The following SH3RF3 variants were observed in gnomAD, a reference collection of about 807,000 sequenced individuals.
The protein encoded by SH3RF3 is SH3 domain containing ring finger 3.
A neutral mutation model predicts 66.3 loss-of-function variants in SH3RF3; 29 were observed. That is an observed-to-expected ratio of 0.44 (90% CI 0.33 to 0.60). The LOEUF (loss-of-function observed/expected upper bound fraction) is 0.60, where lower values mean the gene tolerates loss of function less well. SH3RF3 is among the 20% of genes least tolerant of loss of function. The pLI is 0.04. For synonymous variants in SH3RF3, 583 were observed against 532.0 expected, an observed-to-expected ratio of 1.10 and a Z score of -1.32; for missense variants, 1,194 against 1,190.9, an observed-to-expected ratio of 1.00 and a Z score of -0.04.
chr2:109,201,724 G>A (rs544859960), intron 1 of SH3RF3, among the ~76,000 whole-genome samples: 147 of 152,326 alleles, frequency 9.7e-4, no homozygotes, highest in African/African-American at 3.0e-3. Flanking sequence ...GGAGAGCCAC[G>A]TACAGCCCAG....
intron 1 of SH3RF3, among the ~76,000 whole-genome samples, chr2:109,311,531 G>T (rs11887410): frequency 0.26 from 39,853 of 151,108 alleles, 6,113 homozygotes; most frequent in East Asian, 0.69. Flanking sequence ...GGTATTCAAT[G>T]AGGAAAAGAG....
intron 1 of SH3RF3, among the ~76,000 whole-genome samples, chr2:109,331,968 GCTGTGACTGT>G (rs1682297116): frequency 6.6e-6 from 1 of 152,200 alleles, no homozygotes; most frequent in African/African-American, 2.4e-5. Flanking sequence ...TCTTCCTGGT[GCTGTGACTGT>G]CTGTGACTAG....
rs79070607 is a variant in SH3RF3, at chr2:109,251,594, G to A, written c.574-96080G>A. The stretch of plus-strand genomic sequence containing the variant: ...ACTGGTGGGCAACAGAACAATATTG[G>A]AATGGTGGTAATAGGAAATAGTATC... On this transcript the variant is annotated intron_variant, in intron 1 of 9. Coordinates refer to ENST00000309415, the MANE Select transcript of SH3RF3 (RefSeq NM_001099289.3). The A allele has an allele frequency of 1.2e-4, 116 of 995,170 alleles. No homozygotes were observed. The East Asian group carries it at 2.7e-3, about 23-fold the overall frequency. 61.6% of individuals were successfully genotyped at this position (995,170 alleles called of 1,614,324 possible).
At chr2:109,215,934 G>C (rs367718202) in intron 1 of SH3RF3, among the ~76,000 whole-genome samples, 1 of 152,212 alleles carries the variant, frequency 6.6e-6, no homozygotes, top group Non-Finnish European at 1.5e-5. Context: ...GGCTTCTACC[G>C]TGCCAGCGGC....
At chr2:109,402,770 G>A (rs563914889) in intron 4 of SH3RF3, among the ~76,000 whole-genome samples, 1 of 152,350 alleles carries the variant, frequency 6.6e-6, no homozygotes, top group East Asian at 1.9e-4. Context: ...GCCATGGGGG[G>A]CAGAGGATTA....
At chr2:109,437,705 A>T (rs1265425865) in intron 7 of SH3RF3, among the ~76,000 whole-genome samples, 1 of 151,040 alleles carries the variant, frequency 6.6e-6, no homozygotes, top group Non-Finnish European at 1.5e-5. Context: ...CTTCGCCTTC[A>T]TGGCAGCTGG....
chr2:109,177,052 G>A (rs1292513909), intron 1 of SH3RF3, among the ~76,000 whole-genome samples: 2 of 152,162 alleles, frequency 1.3e-5, no homozygotes, highest in Non-Finnish European at 2.9e-5. Flanking sequence ...TGACCTGGTG[G>A]AAGTTACATT....
At chr2:109,336,614 T>A (rs867885478) in intron 1 of SH3RF3, among the ~76,000 whole-genome samples, 6 of 152,334 alleles carry the variant, frequency 3.9e-5, no homozygotes, top group Middle Eastern at 3.4e-3. Context: ...AGGCAAATGC[T>A]CTTTGCAGCA....
chr2:109,387,177 G>A (rs1675844308), intron 3 of SH3RF3, among the ~76,000 whole-genome samples: 2 of 152,114 alleles, frequency 1.3e-5, no homozygotes, highest in Admixed American at 1.3e-4. Context: ...GGACAAATTT[G>A]AGATTGCGCT....
chr2:109,174,866 C>A (rs1181774073), intron 1 of SH3RF3, among the ~76,000 whole-genome samples: 1 of 152,186 alleles, frequency 6.6e-6, no homozygotes. Flanking sequence ...TTTCTTTCTG[C>A]CCCTCTGTCA....
chr2:109,159,677 G>T (rs1179043355), intron 1 of SH3RF3, among the ~76,000 whole-genome samples: 2 of 152,186 alleles, frequency 1.3e-5, no homozygotes, highest in African/African-American at 2.4e-5. Flanking sequence ...AGCGAGCAAA[G>T]CTATAGCTGT....
chr2:109,498,329 A>AT (rs1234661794), intron 9 of SH3RF3, among the ~76,000 whole-genome samples: 1 of 152,032 alleles, frequency 6.6e-6, no homozygotes, highest in African/African-American at 2.4e-5. Flanking sequence ...GGAACACTGC[A>AT]CCCCCAAGTC....
chr2:109,205,583 A>G (rs1186431747), intron 1 of SH3RF3, among the ~76,000 whole-genome samples: 3 of 152,162 alleles, frequency 2.0e-5, no homozygotes, highest in South Asian at 2.1e-4. Flanking sequence ...CACAGAAACT[A>G]CATTCTAGGG....
chr2:109,323,471 C>T (rs770762032), intron 1 of SH3RF3, among the ~76,000 whole-genome samples: 1 of 152,236 alleles, frequency 6.6e-6, no homozygotes, highest in African/African-American at 2.4e-5. Flanking sequence ...AAACAACCAA[C>T]CCAAGTGCAT....
At chr2:109,166,806 C>T (rs1677637588) in intron 1 of SH3RF3, among the ~76,000 whole-genome samples, 1 of 152,146 alleles carries the variant, frequency 6.6e-6, no homozygotes, top group African/African-American at 2.4e-5. Flanking sequence ...ACTGTAAGTA[C>T]AAAACTATAC....
At chr2:109,247,787 C>T (rs1164093992) in intron 1 of SH3RF3, among the ~76,000 whole-genome samples, 1 of 152,154 alleles carries the variant, frequency 6.6e-6, no homozygotes, top group Non-Finnish European at 1.5e-5. Flanking sequence ...TTTTATTTAA[C>T]TCACTGTTGT....
intron 8 of SH3RF3, among the ~76,000 whole-genome samples, chr2:109,475,653 G>A (rs1013476548): frequency 6.6e-6 from 1 of 152,206 alleles, no homozygotes; most frequent in Non-Finnish European, 1.5e-5. Context: ...CTGCATTGTA[G>A]GATGTCGAGC....
intron 8 of SH3RF3, among the ~76,000 whole-genome samples, chr2:109,465,594 CT>C (rs1559098083): frequency 6.6e-6 from 1 of 152,190 alleles, no homozygotes; most frequent in Non-Finnish European, 1.5e-5. Context: ...TTAGGCCATT[CT>C]TGCACTGCTA....
intron 1 of SH3RF3, among the ~76,000 whole-genome samples, chr2:109,177,283 A>G (rs1253605729): frequency 6.6e-6 from 1 of 152,216 alleles, no homozygotes; most frequent in African/African-American, 2.4e-5. Context: ...GGGCTGGTGC[A>G]GAGAAGGAGC....
Sources: allele counts gnomAD v4.1 joint callset (sites outside exome capture counted in the v4.1 genomes callset), GRCh38; gene constraint gnomAD v4.1.1; transcripts MANE v1.5; gene names NCBI Gene and HGNC (gene_info 2026-07-23, HGNC 2026-07-21).